The following KCNN2 variants were observed in gnomAD, a reference collection of about 807,000 sequenced individuals.
KCNN2 encodes potassium calcium-activated channel subfamily N member 2.
A neutral mutation model predicts 55.5 loss-of-function variants in KCNN2; 24 were observed. The observed-to-expected ratio is 0.43, with a 90% CI of 0.31 to 0.61. The LOEUF (loss-of-function observed/expected upper bound fraction) is 0.61, where lower values mean the gene tolerates loss of function less well. KCNN2 is among the 20% of genes least tolerant of loss of function. The pLI, the probability that KCNN2 is intolerant of heterozygous loss-of-function variation, is 0.08. For synonymous variants in KCNN2, 431 were observed against 336.1 expected (o/e 1.28, Z -3.09); for missense variants, 754 against 853.6 (o/e 0.88, Z 1.45).
chr5:114,445,043 A>G (rs898953681), intron 3 of KCNN2, among the ~76,000 whole-genome samples: 21 of 152,176 alleles, frequency 1.4e-4, no homozygotes, highest in Non-Finnish European at 3.1e-4. Flanking sequence ...GGAGGTCACA[A>G]TTCTGAATAC....
At chr5:114,434,090 C>T (rs1008415374) in intron 3 of KCNN2, among the ~76,000 whole-genome samples, 1 of 151,690 alleles carries the variant, frequency 6.6e-6, no homozygotes, top group Non-Finnish European at 1.5e-5. Flanking sequence ...ATTTTTTTGT[C>T]TTCTGCCCTT....
intron 1 of KCNN2, among the ~76,000 whole-genome samples, chr5:114,114,605 A>G (rs1342225210): frequency 2.0e-5 from 3 of 152,062 alleles, no homozygotes; most frequent in Non-Finnish European, 4.4e-5. Context: ...CAATGAAAAC[A>G]TGGCTCCTCT....
intron 2 of KCNN2, among the ~76,000 whole-genome samples, chr5:114,330,336 C>T (rs184121177): frequency 2.0e-5 from 3 of 152,302 alleles, no homozygotes; most frequent in South Asian, 2.1e-4. Flanking sequence ...TCATTCCTAA[C>T]GGAGTACTCC....
chr5:114,093,482 C>T (rs1399935629), intron 1 of KCNN2, among the ~76,000 whole-genome samples: 1 of 152,152 alleles, frequency 6.6e-6, no homozygotes, highest in Non-Finnish European at 1.5e-5. Context: ...ATGTTTTTAA[C>T]AGTGCCCCAC....
chr5:114,142,082 G>A (rs1752294953), intron 1 of KCNN2, among the ~76,000 whole-genome samples: 1 of 152,032 alleles, frequency 6.6e-6, no homozygotes, highest in African/African-American at 2.4e-5. Context: ...TCTGTATGTT[G>A]CCAGTTCACT....
chr5:114,081,736 G>T (rs1750823392), intron 1 of KCNN2, among the ~76,000 whole-genome samples: 1 of 152,044 alleles, frequency 6.6e-6, no homozygotes, highest in Non-Finnish European at 1.5e-5. Context: ...TGACACAAAA[G>T]GCACGGGCAA....
intron 2 of KCNN2, among the ~76,000 whole-genome samples, chr5:114,267,976 T>C (rs1755244282): frequency 6.6e-6 from 1 of 152,196 alleles, no homozygotes; most frequent in Non-Finnish European, 1.5e-5. Flanking sequence ...TTATGTCCTT[T>C]GCAGGGAGCT....
chr5:114,121,650 G>C (rs1442093998), intron 1 of KCNN2, among the ~76,000 whole-genome samples: 1 of 152,158 alleles, frequency 6.6e-6, no homozygotes, highest in African/African-American at 2.4e-5. Flanking sequence ...CCTGGTAGTG[G>C]CTGCACCTAT....
intron 1 of KCNN2, among the ~76,000 whole-genome samples, chr5:114,197,516 G>A (rs58230640): frequency 6.4e-4 from 98 of 152,280 alleles, no homozygotes; most frequent in African/African-American, 2.3e-3. Flanking sequence ...TGGAAATTGT[G>A]TCCAATGAGT....
intron 1 of KCNN2, among the ~76,000 whole-genome samples, chr5:114,106,536 T>C (rs1156396904): frequency 6.6e-6 from 1 of 151,936 alleles, no homozygotes; most frequent in African/African-American, 2.4e-5. Flanking sequence ...GGTATTGTTA[T>C]TCTTGTTTGT....
At chr5:114,303,318 G>A (rs1351318309) in intron 2 of KCNN2, among the ~76,000 whole-genome samples, 1 of 152,180 alleles carries the variant, frequency 6.6e-6, no homozygotes, top group Non-Finnish European at 1.5e-5. Flanking sequence ...GAACATCACA[G>A]TCAGTGTGTA....
intron 2 of KCNN2, among the ~76,000 whole-genome samples, chr5:114,302,611 C>T (rs1379659254): frequency 1.3e-5 from 2 of 152,072 alleles, no homozygotes; most frequent in Non-Finnish European, 2.9e-5. Flanking sequence ...AACACTGCAT[C>T]CCTCTTAGAG....
chr5:114,131,072 C>T (rs964986683), intron 1 of KCNN2, among the ~76,000 whole-genome samples: 1 of 151,910 alleles, frequency 6.6e-6, no homozygotes, highest in African/African-American at 2.4e-5. Flanking sequence ...TTTTTCTAAG[C>T]CATTGAAAGC....
At chr5:114,466,619 G>A (rs1217073442) in intron 4 of KCNN2, among the ~76,000 whole-genome samples, 1 of 151,946 alleles carries the variant, frequency 6.6e-6, no homozygotes, top group East Asian at 1.9e-4. Flanking sequence ...TTGCTCATTT[G>A]TTCTTTTTGC....
At chr5:114,326,702 C>T (rs951005209) in intron 2 of KCNN2, among the ~76,000 whole-genome samples, 6 of 152,112 alleles carry the variant, frequency 3.9e-5, no homozygotes, top group African/African-American at 1.4e-4. Context: ...CTGAAGCATT[C>T]CAGTAAAGGA....
At chr5:114,165,563 C>T (rs1026905679) in intron 1 of KCNN2, among the ~76,000 whole-genome samples, 36 of 152,108 alleles carry the variant, frequency 2.4e-4, no homozygotes, top group African/African-American at 8.4e-4. Context: ...ATTGTGACTT[C>T]TACTTCTCTC....
chr5:114,194,591 G>C (rs1252990609), intron 1 of KCNN2, among the ~76,000 whole-genome samples: 1 of 151,990 alleles, frequency 6.6e-6, no homozygotes, highest in African/African-American at 2.4e-5. Flanking sequence ...TACGTATTCT[G>C]AATGTAAGTC....
At chr5:114,214,375 A>T (rs1001016465) in intron 1 of KCNN2, among the ~76,000 whole-genome samples, 1 of 151,944 alleles carries the variant, frequency 6.6e-6, no homozygotes, top group Non-Finnish European at 1.5e-5. Flanking sequence ...AGATGATGAT[A>T]ATTTTTTTAT....
At chr5:114,066,579 T>G (rs1055210046) in intron 1 of KCNN2, among the ~76,000 whole-genome samples, 3 of 152,250 alleles carry the variant, frequency 2.0e-5, no homozygotes, top group Non-Finnish European at 2.9e-5. Context: ...TTTCTTTTTT[T>G]TCTTTTCTTT....
Sources: gnomAD v4.1 joint callset for allele counts (sites outside exome capture counted in the v4.1 genomes callset) on GRCh38, gnomAD v4.1.1 for gene constraint, MANE v1.5 for transcripts, NCBI Gene and HGNC (gene_info 2026-07-23, HGNC 2026-07-21) for gene names.